Variants in SLX4IP observed in about 807,000 individuals in gnomAD.
SLX4IP encodes the protein SLX4 interacting protein.
Under a neutral mutation model 32.9 loss-of-function variants are expected in SLX4IP, and 34 were observed. The observed-to-expected ratio is 1.03, with a 90% CI of 0.79 to 1.38. The LOEUF (loss-of-function observed/expected upper bound fraction) is 1.38. Ranked by LOEUF, SLX4IP falls within the 40% of genes most tolerant of loss-of-function variation. The probability of loss-of-function intolerance (pLI) is 0.00; values close to 1 mark genes in which losing one functional copy is unlikely to be tolerated. For synonymous variants in SLX4IP, 172 were observed against 171.7 expected, an observed-to-expected ratio of 1.00 and a Z score of -0.01; for missense variants, 444 against 479.0, an observed-to-expected ratio of 0.93 and a Z score of 0.68.
chr20:10,474,695 C>CT (rs1432544511), intron 2 of SLX4IP, among the ~76,000 whole-genome samples: 22 of 152,230 alleles, frequency 1.4e-4, no homozygotes, highest in East Asian at 5.8e-4. Flanking sequence ...TGTTCACTTC[C>CT]TTTTTTTCCC....
At chr20:10,540,132 C>CTTCCTTCCTTCCTTCCTTCCTTCCTTCT (rs2066089720) in intron 2 of SLX4IP, among the ~76,000 whole-genome samples, 1 of 137,466 alleles carries the variant, frequency 7.3e-6, no homozygotes, top group Non-Finnish European at 1.5e-5. Context: ...TCCTTCCTTC[C>CTTCCTTCCTTCCTTCCTTCCTTCCTTCT]TTCCTTCCTT....
intron 4 of SLX4IP, among the ~76,000 whole-genome samples, chr20:10,571,626 A>G (rs112676292): frequency 0.026 from 3,929 of 152,034 alleles, 100 homozygotes; most frequent in Admixed American, 0.088. Flanking sequence ...AGCAGCACTC[A>G]TTGTTCCAGT....
intron 4 of SLX4IP, among the ~76,000 whole-genome samples, chr20:10,594,163 G>A (rs1354564672): frequency 6.6e-6 from 1 of 152,198 alleles, no homozygotes; most frequent in African/African-American, 2.4e-5. Context: ...TGGGTTTTGG[G>A]ATGTTCATGA....
chr20:10,547,164 G>C (rs2066170771), intron 2 of SLX4IP, among the ~76,000 whole-genome samples: 1 of 152,176 alleles, frequency 6.6e-6, no homozygotes, highest in Non-Finnish European at 1.5e-5. Context: ...TTCTCAGTAG[G>C]ATACCAGAGA....
chr20:10,555,203 A>G (rs985476461), intron 2 of SLX4IP, among the ~76,000 whole-genome samples: 5 of 152,060 alleles, frequency 3.3e-5, no homozygotes, highest in Non-Finnish European at 5.9e-5. Flanking sequence ...ATTTAAAAAA[A>G]AAAAAACAAA....
At chr20:10,557,389 A>G (rs1209642677) in intron 3 of SLX4IP, among the ~76,000 whole-genome samples, 2 of 152,244 alleles carry the variant, frequency 1.3e-5, no homozygotes, top group African/African-American at 4.8e-5. Flanking sequence ...TGAGAAAAGG[A>G]AGGCACAAGG....
chr20:10,575,102 T>C (rs2122519002), intron 4 of SLX4IP, among the ~76,000 whole-genome samples: 1 of 152,276 alleles, frequency 6.6e-6, no homozygotes, highest in African/African-American at 2.4e-5. Context: ...GTAGAACTGG[T>C]TGGCATTCCT....
At chr20:10,584,255 T>G (rs2066619237) in intron 4 of SLX4IP, among the ~76,000 whole-genome samples, 1 of 152,190 alleles carries the variant, frequency 6.6e-6, no homozygotes, top group African/African-American at 2.4e-5. Context: ...ATTGAGCTAA[T>G]ATGCATTGCC....
rs919700899 is a variant in SLX4IP, at chr20:10,458,223, G to T, written c.19G>T (p.Ala7Ser). 6 of 1,588,080 alleles carry T rather than the reference G, an allele frequency of 3.8e-6. No individual in the cohort carries two copies. The highest frequency in any genetic ancestry group is 1.7e-4 in the Middle Eastern group (1 of 5,986). Residue 7 changes from alanine to serine, a missense_variant, in exon 2 of 8, where the codon GCT becomes TCT. By Grantham distance (99) the Ala-to-Ser change is moderately conservative. Coordinates refer to ENST00000334534, the MANE Select transcript of SLX4IP (RefSeq NM_001009608.3). MASKKF[A>S]VKCGNFAVLV... Reference sequence around the variant, plus strand: ...ATAAGCCATGGCATCTAAGAAATTTGCTGTTAAAGTAAGTAATGTTTAATA... The same window carrying T: ...ATAAGCCATGGCATCTAAGAAATTTTCTGTTAAAGTAAGTAATGTTTAATA...
intron 4 of SLX4IP, among the ~76,000 whole-genome samples, chr20:10,596,547 C>T (rs2066773226): frequency 6.6e-6 from 1 of 152,068 alleles, no homozygotes; most frequent in South Asian, 2.1e-4. Flanking sequence ...CATTTTATTG[C>T]TAAAGATTTT....
intron 6 of SLX4IP, chr20:10,614,143 C>A: frequency 1.7e-6 from 2 of 1,189,160 alleles, no homozygotes; most frequent in East Asian, 2.5e-5. Flanking sequence ...CCATCGGAGG[C>A]CTCGCGTTGC....
chr20:10,484,109 C>A (rs1260358907), intron 2 of SLX4IP, among the ~76,000 whole-genome samples: 2 of 152,154 alleles, frequency 1.3e-5, no homozygotes, highest in East Asian at 3.8e-4. Flanking sequence ...TAGGAAGGCT[C>A]CCATGTCACA....
At chr20:10,529,814 G>C (rs778897848) in intron 2 of SLX4IP, among the ~76,000 whole-genome samples, 6 of 152,054 alleles carry the variant, frequency 3.9e-5, no homozygotes, top group Non-Finnish European at 8.8e-5. Context: ...AGAGTTCTCA[G>C]TGCCAGGAGA....
intron 6 of SLX4IP, among the ~76,000 whole-genome samples, chr20:10,606,385 T>G (rs953676143): frequency 1.3e-5 from 2 of 152,210 alleles, no homozygotes; most frequent in African/African-American, 4.8e-5. Flanking sequence ...AAGAAAAGAA[T>G]TCTCTATTTT....
chr20:10,582,651 G>C (rs1479285536), intron 4 of SLX4IP, among the ~76,000 whole-genome samples: 1 of 152,036 alleles, frequency 6.6e-6, no homozygotes, highest in East Asian at 1.9e-4. Flanking sequence ...GTTATTGTTC[G>C]TATTTTACAA....
chr20:10,583,114 A>G lies in SLX4IP; in HGVS notation c.239-15561A>G, dbSNP rs576843260. ...CCAGCATCCCAGTTTTAAACAGCAT[A>G]TAGCCAATGTTATTTCATTTATATG... On this transcript the variant is annotated intron_variant, in intron 4 of 7. Transcript: ENST00000334534. Among the ~76,000 whole-genome samples, 5 of 152,348 alleles carry G rather than the reference A, an allele frequency of 3.3e-5. No individual in the cohort carries two copies. The South Asian group carries it at 1.0e-3, about 32-fold the overall frequency.
chr20:10,465,065 T>C (rs1040685218), intron 2 of SLX4IP, among the ~76,000 whole-genome samples: 3 of 152,160 alleles, frequency 2.0e-5, no homozygotes, highest in Non-Finnish European at 2.9e-5. Flanking sequence ...TCAGGGTCTA[T>C]AGACTTCTGG....
chr20:10,449,858 A>T lies in SLX4IP; in HGVS notation c.-29-8318A>T, dbSNP rs548756433. On this transcript the variant is annotated intron_variant, in intron 1 of 7. Coordinates refer to ENST00000334534, the MANE Select transcript of SLX4IP (RefSeq NM_001009608.3). ...ATGCTTTTCAGTTCCAGATCCCTAGAGATCATTTTTTTGATATTGGACTTT... is the reference window on the plus strand; with the variant it reads ...ATGCTTTTCAGTTCCAGATCCCTAGTGATCATTTTTTTGATATTGGACTTT... 8.7e-4 allele frequency among the ~76,000 whole-genome samples: 132 copies of T among 152,284 alleles called. 2 individuals are homozygous for T. The highest frequency in any genetic ancestry group is 3.1e-3 in the African/African-American group (127 of 41,562).
intron 5 of SLX4IP, among the ~76,000 whole-genome samples, chr20:10,601,322 T>C (rs16991842): frequency 0.072 from 10,915 of 152,226 alleles, 629 homozygotes; most frequent in South Asian, 0.24. Context: ...AGGAAAAACA[T>C]TGATAGGTCA....
Sources: allele counts gnomAD v4.1 joint callset (sites outside exome capture counted in the v4.1 genomes callset), GRCh38; gene constraint gnomAD v4.1.1; transcripts MANE v1.5; gene names NCBI Gene and HGNC (gene_info 2026-07-23, HGNC 2026-07-21).